NAV2: variants seen among roughly 807,000 people sequenced by gnomAD.
NAV2 encodes neuron navigator 2.
NAV2 carries 54 observed loss-of-function variants against 223.2 expected under a neutral mutation model. The ratio of observed to expected loss-of-function variants is 0.24; its 90% CI spans 0.19 to 0.30. NAV2 has a LOEUF of 0.30. Ranked by LOEUF, NAV2 falls within the 10% of genes least tolerant of loss-of-function variation. NAV2 has a pLI of 1.00. For missense variants in NAV2, 2,806 were observed against 3,147.5 expected (o/e 0.89, Z 2.60); for synonymous variants, 1,279 against 1,239.3 (o/e 1.03, Z -0.67).
At chr11:19,963,889 G>A (rs763811385) in intron 10 of NAV2, among the ~76,000 whole-genome samples, 11 of 152,118 alleles carry the variant, frequency 7.2e-5, no homozygotes, top group Non-Finnish European at 1.0e-4. Flanking sequence ...GCGCCTTACC[G>A]CGATGTGGCT....
At chr11:19,969,958 A>G (rs2049088346) in intron 10 of NAV2, among the ~76,000 whole-genome samples, 1 of 151,542 alleles carries the variant, frequency 6.6e-6, no homozygotes, top group Non-Finnish European at 1.5e-5. Context: ...AAAAAAAAAG[A>G]AAAAAAGAAA....
chr11:19,440,093 A>T lies in NAV2; in HGVS notation c.75+89066A>T, dbSNP rs537277660. Among the ~76,000 whole-genome samples the T allele has an allele frequency of 2.0e-4, 31 of 152,362 alleles. 2 individuals are homozygous for T. The South Asian group carries it at 5.6e-3, about 28-fold the overall frequency. ...ATGTTCAATTGCCACTCAAATGTTT[A>T]GTCGATCACACACGTAAAAAATAAT... On this transcript the variant is annotated intron_variant, in intron 1 of 37. Coordinates refer to the NAV2 transcript ENST00000360655.
intron 1 of NAV2, among the ~76,000 whole-genome samples, chr11:19,764,122 T>C (rs936051145): frequency 1.3e-5 from 2 of 152,208 alleles, no homozygotes; most frequent in African/African-American, 4.8e-5. Flanking sequence ...ACACGTGCCT[T>C]AGTGAAATCA....
At chr11:19,894,678 A>G (rs1194841086) in intron 6 of NAV2, among the ~76,000 whole-genome samples, 1 of 152,196 alleles carries the variant, frequency 6.6e-6, no homozygotes, top group Admixed American at 6.5e-5. Flanking sequence ...ATTCCAGTAG[A>G]GGCAATGCCC....
intron 1 of NAV2, among the ~76,000 whole-genome samples, chr11:19,557,518 C>T (rs553950807): frequency 6.6e-6 from 1 of 152,324 alleles, no homozygotes; most frequent in South Asian, 2.1e-4. Context: ...ATCGATGGTA[C>T]TCTAGGCTCT....
At chr11:19,844,096 G>A (rs1421946788) in intron 3 of NAV2, among the ~76,000 whole-genome samples, 1 of 152,208 alleles carries the variant, frequency 6.6e-6, no homozygotes, top group Non-Finnish European at 1.5e-5. Context: ...TTCTTACATA[G>A]GAAAGTCCCC....
At chr11:19,645,738 T>G (rs1260967613) in intron 1 of NAV2, among the ~76,000 whole-genome samples, 1 of 152,082 alleles carries the variant, frequency 6.6e-6, no homozygotes, top group Non-Finnish European at 1.5e-5. Context: ...AGCAATTGCG[T>G]TTTTTGCCAT....
At chr11:19,637,992 C>T (rs1248546125) in intron 1 of NAV2, among the ~76,000 whole-genome samples, 2 of 152,176 alleles carry the variant, frequency 1.3e-5, no homozygotes, top group Non-Finnish European at 2.9e-5. Flanking sequence ...TTACTATGTG[C>T]TAAATATTCT....
At chr11:19,616,574 C>A (rs1449431008) in intron 1 of NAV2, among the ~76,000 whole-genome samples, 2 of 152,024 alleles carry the variant, frequency 1.3e-5, no homozygotes, top group African/African-American at 4.8e-5. Flanking sequence ...TGGAGACTCC[C>A]TGTGGAGCAC....
At chr11:19,896,250 T>C (rs1034936620) in intron 6 of NAV2, among the ~76,000 whole-genome samples, 1 of 152,212 alleles carries the variant, frequency 6.6e-6, no homozygotes, top group African/African-American at 2.4e-5. Flanking sequence ...ATTCACATTG[T>C]GGTACAGCCA....
chr11:19,476,513 C>T (rs552116304), intron 1 of NAV2, among the ~76,000 whole-genome samples: 2 of 152,278 alleles, frequency 1.3e-5, no homozygotes, highest in South Asian at 2.1e-4. Flanking sequence ...GCCATTCCTG[C>T]ACTCTCTTCC....
chr11:19,497,793 A>T (rs959540438), intron 1 of NAV2, among the ~76,000 whole-genome samples: 1 of 152,180 alleles, frequency 6.6e-6, no homozygotes, highest in Non-Finnish European at 1.5e-5. Flanking sequence ...TTCCAAGCAC[A>T]CATCAACCAG....
chr11:19,675,022 TC>T (rs1227491768), intron 1 of NAV2, among the ~76,000 whole-genome samples: 29 of 152,144 alleles, frequency 1.9e-4, no homozygotes, highest in African/African-American at 6.5e-4. Context: ...GTGCTTCTAA[TC>T]CGTCCCCCTC....
At chr11:19,346,837 T>G (rs1429984811), upstream of NAV2, among the ~76,000 whole-genome samples, 3 of 152,320 alleles carry the variant, frequency 2.0e-5, no homozygotes, top group African/African-American at 4.8e-5. Context: ...GTAACTTATT[T>G]ATTGATTGAT....
intron 1 of NAV2, among the ~76,000 whole-genome samples, chr11:19,551,563 G>A (rs1324588612): frequency 6.6e-6 from 1 of 152,186 alleles, no homozygotes; most frequent in East Asian, 1.9e-4. Flanking sequence ...CTCCCTCCCT[G>A]TTATGTTGCA....
intron 1 of NAV2, among the ~76,000 whole-genome samples, chr11:19,381,238 A>G (rs1848827133): frequency 6.6e-6 from 1 of 152,050 alleles, no homozygotes; most frequent in Admixed American, 6.6e-5. Context: ...CTTCTCTGTC[A>G]ATTTCCTTGT....
At chr11:20,106,306 C>G (rs1366740388) in intron 35 of NAV2, among the ~76,000 whole-genome samples, 3 of 143,462 alleles carry the variant, frequency 2.1e-5, no homozygotes, top group Non-Finnish European at 4.6e-5. Flanking sequence ...TGCCTGTAAT[C>G]TCAGCACTTT....
chr11:19,908,086 A>G (rs893605567), intron 6 of NAV2, among the ~76,000 whole-genome samples: 3 of 152,238 alleles, frequency 2.0e-5, no homozygotes, highest in African/African-American at 7.2e-5. Context: ...CGGAATGGCC[A>G]CTGCTGGCCG....
intron 5 of NAV2, chr11:19,884,369 C>T: frequency 6.2e-7 from 1 of 1,611,480 alleles, no homozygotes; most frequent in South Asian, 1.1e-5. Context: ...CTAGGTTAGA[C>T]TTTCTCTGTG....
Sources: allele counts gnomAD v4.1 joint callset (sites outside exome capture counted in the v4.1 genomes callset), GRCh38; gene constraint gnomAD v4.1.1; transcripts MANE v1.5; gene names NCBI Gene and HGNC (gene_info 2026-07-23, HGNC 2026-07-21).